The following SLC38A10 variants were observed in gnomAD, a reference collection of about 807,000 sequenced individuals.
SLC38A10 encodes Sodium-coupled neutral amino acid transporter 10.
SLC38A10 carries 53 observed loss-of-function variants against 81.0 expected under a neutral mutation model. That is an observed-to-expected ratio of 0.65 (90% CI 0.53 to 0.82). The LOEUF is 0.82. Ranked by LOEUF, SLC38A10 falls within the 40% of genes least tolerant of loss-of-function variation. SLC38A10 has a pLI of 0.00. For synonymous variants in SLC38A10, 665 were observed against 655.3 expected (o/e 1.01, Z -0.23); for missense variants, 1,471 against 1,545.0 (o/e 0.95, Z 0.80).
intron 5 of SLC38A10, among the ~76,000 whole-genome samples, chr17:81,280,977 C>G (rs959863988): frequency 3.3e-5 from 5 of 152,222 alleles, no homozygotes; most frequent in Admixed American, 3.3e-4. Flanking sequence ...CCCGCGGGCA[C>G]CAGAGCAGCT....
chr17:81,270,104 C>T lies in SLC38A10; in HGVS notation c.1131+814G>A, dbSNP rs755314821. 2.0e-5 allele frequency among the ~76,000 whole-genome samples: 3 copies of T among 152,158 alleles called. No homozygotes were observed. The highest frequency in any genetic ancestry group is 3.2e-3 in the Middle Eastern group (1 of 316). On this transcript the variant is annotated intron_variant, in intron 10 of 15. Coordinates refer to ENST00000374759, the MANE Select transcript of SLC38A10 (RefSeq NM_001037984.3). The surrounding 1 kb of genome is among the most constrained non-coding windows in gnomAD (Gnocchi z 4.0). ...ACCCATGAAAAGACACTCAAGTTCCCGCCAGAGAGGCCAAGAATGATGAAG... is the reference window on the plus strand; with the variant it reads ...ACCCATGAAAAGACACTCAAGTTCCTGCCAGAGAGGCCAAGAATGATGAAG...
At chr17:81,280,015 C>G (rs2063195928) in intron 6 of SLC38A10, 3 of 368,146 alleles carry the variant, frequency 8.1e-6, no homozygotes, top group Admixed American at 3.1e-5. Flanking sequence ...TGCCGATGGT[C>G]TTTTCCCGTC....
intron 14 of SLC38A10, 109 bp from the exon 15 acceptor site, chr17:81,247,170 T>A (rs1598375127): frequency 5.8e-6 from 7 of 1,209,034 alleles, no homozygotes; most frequent in Non-Finnish European, 7.8e-6. Context: ...CTGCAGGGAG[T>A]GTGCCCGAAC....
At chr17:81,251,682 A>T (rs2062916260) in intron 13 of SLC38A10, 70 bp from the exon 14 acceptor site, 2 of 1,427,032 alleles carry the variant, frequency 1.4e-6, no homozygotes, top group East Asian at 5.0e-5. Context: ...GTTGGGGGAC[A>T]GAAGGCAAGG....
chr17:81,283,636 C>CAT lies in SLC38A10; in HGVS notation c.264-135_264-134insAT. On this transcript the variant is annotated intron_variant, in intron 3 of 15. Transcript: ENST00000374759. The surrounding 1 kb of genome is among the most constrained non-coding windows in gnomAD (Gnocchi z 4.7). ...TTTTTTCTTTTTTTTTTTTTTGAAA[C>CAT]AGAGTCTCACTCTGTCGCCCAGGCT... 1 of 555,446 alleles carries CAT rather than the reference C, an allele frequency of 1.8e-6. No individual in the cohort carries two copies. The allele number at this position is 555,446 out of a possible 1,614,324, so 34.4% of individuals were successfully genotyped here.
At chr17:81,275,721 A>G (rs2063154522) in intron 8 of SLC38A10, among the ~76,000 whole-genome samples, 1 of 146,814 alleles carries the variant, frequency 6.8e-6, no homozygotes, top group African/African-American at 2.6e-5. Flanking sequence ...GACAGAGCGA[A>G]ACTCCGTCTC....
intron 11 of SLC38A10, among the ~76,000 whole-genome samples, chr17:81,259,058 G>A (rs1031260540): frequency 4.6e-5 from 7 of 152,250 alleles, no homozygotes; most frequent in African/African-American, 1.7e-4. Context: ...ACGCTGGGAA[G>A]GAGCTTTCCA....
At position 81,291,107 on chromosome 17, in the gene SLC38A10, C is replaced by T. The variant is rs138783126; in HGVS notation, c.100-1299G>A. Among the ~76,000 whole-genome samples the T allele has an allele frequency of 6.3e-3, 963 of 152,292 alleles. 6 individuals are homozygous for T. Among genetic ancestry groups the T allele is most frequent in the Middle Eastern group, 0.017 (5 of 294 alleles). ...CCACACTAGTGCGAGACGTCAGTCACGTGAACCTAGCTGGACGGTGAGGGG... is the reference window on the plus strand; with the variant it reads ...CCACACTAGTGCGAGACGTCAGTCATGTGAACCTAGCTGGACGGTGAGGGG... On this transcript the variant is annotated intron_variant, in intron 1 of 15. Coordinates refer to ENST00000374759, the MANE Select transcript of SLC38A10 (RefSeq NM_001037984.3).
chr17:81,295,133 G>A lies in SLC38A10; in HGVS notation c.-212C>T. On this transcript the variant is annotated 5_prime_UTR_variant, in exon 1 of 16. Transcript: ENST00000374759. ...GAGGCAGCCTCGAAGGCCGGCTGCG[G>A]GGGCGAGGTCAACCTCCGGACCCCG... 2.4e-6 allele frequency: 2 copies of A among 843,722 alleles called. No individual in the cohort carries two copies. The highest frequency in any genetic ancestry group is 5.1e-5 in the Admixed American group (1 of 19,658). The allele number at this position is 843,722 out of a possible 1,614,324, so 52.3% of individuals were successfully genotyped here.
rs1001709886 is a variant in SLC38A10, at chr17:81,283,892, G to C, written c.264-390C>G. ...CCCAAAGTGCTGGGATTACAGGCGT[G>C]AGCCACTGTGCCTGGCCAACAGATG... On this transcript the variant is annotated intron_variant, in intron 3 of 15. Transcript: ENST00000374759. This position sits in a 1 kb window ranked among gnomAD's most constrained non-coding sequence, Gnocchi z 4.7. Among the ~76,000 whole-genome samples, 2 of 151,068 alleles carry C rather than the reference G, an allele frequency of 1.3e-5. No individual in the cohort carries two copies. Among genetic ancestry groups the C allele is most frequent in the African/African-American group, 4.9e-5 (2 of 41,150 alleles).
rs760168376 is a variant in SLC38A10 at position 81,276,022 on chromosome 17, T to A, written c.859A>T (p.Met287Leu). ...FMMSVAVGFP[M>L]MILPCRQALS... ...GCCTGCCTGCATGGCAGGATCATCA[T>A]GGGGAAGCCCACAGCCACTGACATC... Residue 287 changes from methionine to leucine, a missense_variant, in exon 8 of 16, where the codon ATG (methionine) becomes TTG (leucine). Transcript: ENST00000374759. This position sits in a 1 kb window ranked among gnomAD's most constrained non-coding sequence, Gnocchi z 4.7. 1 of 1,613,740 alleles carries A rather than the reference T, an allele frequency of 6.2e-7. No homozygotes were observed.
intron 14 of SLC38A10, among the ~76,000 whole-genome samples, chr17:81,249,400 GAT>G: frequency 6.6e-6 from 1 of 152,208 alleles, no homozygotes; most frequent in Middle Eastern, 3.4e-3. Flanking sequence ...GGAAGAGGAG[GAT>G]GAAGGAGGGA....
At chr17:81,256,872 C>G (rs909293229) in intron 11 of SLC38A10, among the ~76,000 whole-genome samples, 4 of 152,250 alleles carry the variant, frequency 2.6e-5, no homozygotes, top group African/African-American at 9.6e-5. Flanking sequence ...CTCCTGGTAC[C>G]CGGGTGTCTG....
rs1308419201 is a variant in SLC38A10, at chr17:81,283,185, T to A, written c.357+224A>T. Among the ~76,000 whole-genome samples the A allele has an allele frequency of 6.6e-6, 1 of 151,896 alleles. No individual in the cohort carries two copies. The highest frequency in any genetic ancestry group is 1.5e-5 in the Non-Finnish European group (1 of 67,960). On this transcript the variant is annotated intron_variant, in intron 4 of 15. Transcript: ENST00000374759. This position sits in a 1 kb window ranked among gnomAD's most constrained non-coding sequence, Gnocchi z 4.7. ...CTGAGGCTCCCCCACCCGCCCCTCA[T>A]CTACATGGTGTCAGACTCTGCCTGG...
chr17:81,246,089 C>T lies in SLC38A10; in HGVS notation c.2827G>A (p.Gly943Ser), dbSNP rs569971719. The change falls in exon 16 of 16, where the codon GGT becomes AGT. Residue 943 changes from glycine (G) to serine (S), a missense_variant. Gly to Ser is a moderately conservative substitution (Grantham distance 56). This residue lies in a region of SLC38A10 where 751 missense variants were observed against 717.4 expected (regional missense o/e 1.05). Transcript: ENST00000374759. ...RDLGLAADLP[G>S]GAEGAAAQPQ... Reference sequence around the variant, plus strand: ...TGTGCAGCTGCTCCTTCCGCCCCACCGGGCAGGTCCGCTGCAAGGCCCAGG... The same window carrying T: ...TGTGCAGCTGCTCCTTCCGCCCCACTGGGCAGGTCCGCTGCAAGGCCCAGG... 2.7e-5 allele frequency: 44 copies of T among 1,608,292 alleles called. No individual in the cohort carries two copies. Among genetic ancestry groups the T allele is most frequent in the South Asian group, 1.5e-4 (14 of 90,996 alleles).
At chr17:81,254,104 C>T (rs1436898081) in intron 11 of SLC38A10, among the ~76,000 whole-genome samples, 2 of 152,258 alleles carry the variant, frequency 1.3e-5, no homozygotes, top group African/African-American at 4.8e-5. Flanking sequence ...GCCATCACCA[C>T]CTCCCTGTCC....
chr17:81,275,740 A>AAAAAAAAAAAAAAG, intron 8 of SLC38A10, among the ~76,000 whole-genome samples: 1 of 149,842 alleles, frequency 6.7e-6, no homozygotes, highest in South Asian at 2.1e-4. Flanking sequence ...TCAAAAAAAA[A>AAAAAAAAAAAAAAG]GAGAACTGTG....
chr17:81,259,153 C>T (rs1222542537), intron 11 of SLC38A10, among the ~76,000 whole-genome samples: 1 of 152,234 alleles, frequency 6.6e-6, no homozygotes, highest in South Asian at 2.1e-4. Flanking sequence ...ACTCAGCCGA[C>T]GCCAGGGGCT....
intron 9 of SLC38A10, among the ~76,000 whole-genome samples, chr17:81,271,432 G>A (rs1308228988): frequency 6.6e-6 from 1 of 152,210 alleles, no homozygotes; most frequent in African/African-American, 2.4e-5. Flanking sequence ...GCCCCTGCCA[G>A]GAGCCCAGAC....
Sources: gnomAD v4.1 joint callset for allele counts (sites outside exome capture counted in the v4.1 genomes callset) on GRCh38, gnomAD v4.1.1 for gene constraint, gnomAD v4.1.1 regional missense constraint, Gnocchi (gnomAD v3.1) non-coding constraint, MANE v1.5 for transcripts, NCBI Gene and HGNC (gene_info 2026-07-23, HGNC 2026-07-21) for gene names.